The following FAM107B variants were observed in gnomAD, a reference collection of about 807,000 sequenced individuals.
FAM107B encodes the protein family with sequence similarity 107 member B.
FAM107B carries 21 observed loss-of-function variants against 31.5 expected under a neutral mutation model. The ratio of observed to expected loss-of-function variants is 0.67; its 90% CI spans 0.47 to 0.96. The LOEUF is 0.96. Among genes scored for constraint, FAM107B ranks in the 40% least tolerant of loss-of-function variants. The pLI is 0.00. For missense variants in FAM107B, 452 were observed against 377.1 expected, an observed-to-expected ratio of 1.20 and a Z score of -1.64; for synonymous variants, 157 against 141.5, an observed-to-expected ratio of 1.11 and a Z score of -0.78.
intron 1 of FAM107B, among the ~76,000 whole-genome samples, chr10:14,683,199 C>G (rs1303618359): frequency 1.3e-5 from 2 of 150,652 alleles, no homozygotes; most frequent in Non-Finnish European, 3.0e-5. Flanking sequence ...GCTGGTCTTG[C>G]TGGTGTTATT....
At position 14,668,188 on chromosome 10, in the gene FAM107B, T is replaced by G. The variant is rs189267981; in HGVS notation, c.412-497A>C. ...TCCTAAGTAGCTAGGATTACAGGCA[T>G]GCACCACCAGGCCTGGCTGATTTTT... On this transcript the variant is annotated intron_variant, in intron 1 of 4. Coordinates refer to ENST00000181796, the MANE Select transcript of FAM107B (RefSeq NM_031453.4). 1.1e-3 allele frequency among the ~76,000 whole-genome samples: 171 copies of G among 152,174 alleles called. 2 individuals are homozygous for G. In the East Asian group the frequency reaches 0.021, roughly 19 times the overall value.
chr10:14,765,574 G>A (rs1434497179), intron 1 of FAM107B, among the ~76,000 whole-genome samples: 3 of 152,174 alleles, frequency 2.0e-5, no homozygotes, highest in African/African-American at 7.2e-5. Context: ...GGAATGGAAT[G>A]GGATTCTCAC....
intron 2 of FAM107B, among the ~76,000 whole-genome samples, chr10:14,622,181 A>G (rs1247894322): frequency 6.6e-6 from 1 of 152,216 alleles, no homozygotes. Context: ...GGACCTAAGA[A>G]TATGGAGATG....
chr10:14,697,911 G>C (rs1208933510), intron 1 of FAM107B, among the ~76,000 whole-genome samples: 1 of 152,174 alleles, frequency 6.6e-6, no homozygotes, highest in Non-Finnish European at 1.5e-5. Context: ...GATAACTTGA[G>C]ATCAGGAGTT....
intron 3 of FAM107B, among the ~76,000 whole-genome samples, chr10:14,522,583 T>G (rs1845779962): frequency 6.6e-6 from 1 of 151,982 alleles, no homozygotes; most frequent in Admixed American, 6.6e-5. Context: ...GCCCGGCTAA[T>G]TTTTGTATTT....
At chr10:14,573,053 C>T (rs1054643328) in intron 2 of FAM107B, among the ~76,000 whole-genome samples, 2 of 152,204 alleles carry the variant, frequency 1.3e-5, no homozygotes, top group East Asian at 1.9e-4. Flanking sequence ...ATCTGGCCCA[C>T]AAGTACATTT....
At chr10:14,578,671 C>A (rs1851538710) in intron 2 of FAM107B, among the ~76,000 whole-genome samples, 1 of 152,210 alleles carries the variant, frequency 6.6e-6, no homozygotes, top group Admixed American at 6.5e-5. Context: ...TCACCAACTG[C>A]ACCCTCGGTC....
At chr10:14,560,895 A>C (rs1181375387) in intron 2 of FAM107B, among the ~76,000 whole-genome samples, 1 of 152,100 alleles carries the variant, frequency 6.6e-6, no homozygotes. Flanking sequence ...TTCTCCCCCT[A>C]CAGAGCAGAT....
intron 2 of FAM107B, among the ~76,000 whole-genome samples, chr10:14,619,780 A>C (rs557561775): frequency 7.1e-6 from 1 of 141,228 alleles, no homozygotes; most frequent in African/African-American, 2.6e-5. Context: ...GTTTTCTTTT[A>C]GAAGTTTTAT....
At chr10:14,650,570 G>A (rs773869352) in intron 2 of FAM107B, among the ~76,000 whole-genome samples, 1 of 152,208 alleles carries the variant, frequency 6.6e-6, no homozygotes. Flanking sequence ...ACAGGCATGA[G>A]CCACCGCGCC....
intron 2 of FAM107B, among the ~76,000 whole-genome samples, chr10:14,659,858 T>C (rs1854184786): frequency 6.6e-6 from 1 of 152,242 alleles, no homozygotes; most frequent in Non-Finnish European, 1.5e-5. Flanking sequence ...AAGGAACTGC[T>C]CAGTGGAACC....
chr10:14,754,785 G>A (rs1832896666), intron 1 of FAM107B, among the ~76,000 whole-genome samples: 1 of 152,184 alleles, frequency 6.6e-6, no homozygotes, highest in Non-Finnish European at 1.5e-5. Context: ...GATGCACCTT[G>A]ATAGGTACAG....
chr10:14,700,443 GC>G (rs1478490268), intron 1 of FAM107B, among the ~76,000 whole-genome samples: 1 of 152,136 alleles, frequency 6.6e-6, no homozygotes, highest in Admixed American at 6.5e-5. Context: ...GTATATGGAA[GC>G]AAACCTTAAA....
At chr10:14,693,173 T>C (rs1043373875) in intron 1 of FAM107B, among the ~76,000 whole-genome samples, 1 of 152,224 alleles carries the variant, frequency 6.6e-6, no homozygotes, top group Non-Finnish European at 1.5e-5. Flanking sequence ...ATAACTTTTA[T>C]TGTATATATT....
chr10:14,521,229 C>G lies in FAM107B; in HGVS notation c.882G>C (p.Arg294Ser). 1 of 1,614,158 alleles carries G rather than the reference C, an allele frequency of 6.2e-7. No individual in the cohort carries two copies. Among genetic ancestry groups the G allele is most frequent in the Non-Finnish European group, 8.5e-7 (1 of 1,180,024 alleles). ...PEFVKVKGNL[R>S]RTGQEVAQAQ... ...CTTGGGCGACTTCTTGGCCTGTTCT[C>G]CTGAGATTGCCTTTCACCTTCACAA... The change falls in exon 5 of 5, where the codon AGG becomes AGC. Residue 294 changes from arginine to serine, a missense_variant. Physicochemically the swap from Arg to Ser is moderately radical, Grantham distance 110. Coordinates refer to ENST00000181796, the MANE Select transcript of FAM107B (RefSeq NM_031453.4).
At chr10:14,764,158 G>A (rs1209840098) in intron 1 of FAM107B, among the ~76,000 whole-genome samples, 2 of 152,218 alleles carry the variant, frequency 1.3e-5, no homozygotes, top group African/African-American at 4.8e-5. Flanking sequence ...ACACGATCAT[G>A]CATTGTTTTA....
intron 1 of FAM107B, among the ~76,000 whole-genome samples, chr10:14,763,220 C>T (rs1041936410): frequency 5.3e-5 from 8 of 152,246 alleles, no homozygotes; most frequent in African/African-American, 1.9e-4. Context: ...TGAGATGGCA[C>T]CACTGCACTC....
At chr10:14,760,086 C>G (rs1833013548) in intron 1 of FAM107B, among the ~76,000 whole-genome samples, 1 of 152,166 alleles carries the variant, frequency 6.6e-6, no homozygotes. Context: ...TATTCTAGAA[C>G]TTGATAGAAA....
chr10:14,722,476 C>T (rs1161148698), intron 1 of FAM107B, among the ~76,000 whole-genome samples: 1 of 152,114 alleles, frequency 6.6e-6, no homozygotes, highest in Admixed American at 6.6e-5. Flanking sequence ...GCATCCTTGT[C>T]AACATTTGTT....
Sources: gnomAD v4.1 joint callset for allele counts (sites outside exome capture counted in the v4.1 genomes callset) on GRCh38, gnomAD v4.1.1 for gene constraint, MANE v1.5 for transcripts, NCBI Gene and HGNC (gene_info 2026-07-23, HGNC 2026-07-21) for gene names.